TPTE2: variants seen among roughly 807,000 people sequenced by gnomAD.
The protein encoded by TPTE2 is phosphatidylinositol 3,4,5-trisphosphate 3-phosphatase TPTE2.
Under a neutral mutation model 78.6 loss-of-function variants are expected in TPTE2, and 53 were observed. The ratio of observed to expected loss-of-function variants is 0.67; its 90% CI spans 0.54 to 0.85. The LOEUF (loss-of-function observed/expected upper bound fraction) is 0.85, where lower values mean the gene tolerates loss of function less well. Among genes scored for constraint, TPTE2 ranks in the 40% least tolerant of loss-of-function variants. TPTE2 has a pLI of 0.00. For synonymous variants in TPTE2, 175 were observed against 206.2 expected, an observed-to-expected ratio of 0.85 and a Z score of 1.30; for missense variants, 461 against 623.0, an observed-to-expected ratio of 0.74 and a Z score of 2.77.
chr13:19,489,722 GTA>G (rs997186438), intron 3 of TPTE2, among the ~76,000 whole-genome samples: 18 of 144,624 alleles, frequency 1.2e-4, no homozygotes, highest in Admixed American at 2.1e-4. Flanking sequence ...AGATATATCT[GTA>G]TATATATATA....
intron 1 of TPTE2, among the ~76,000 whole-genome samples, chr13:19,496,889 G>C (rs970261645): frequency 6.6e-6 from 1 of 151,998 alleles, no homozygotes; most frequent in African/African-American, 2.4e-5. Context: ...CTGAGGTACT[G>C]GGTTCATCTC....
chr13:19,502,829 A>T (rs1868707162), intron 1 of TPTE2, among the ~76,000 whole-genome samples: 2 of 151,398 alleles, frequency 1.3e-5, no homozygotes, highest in Admixed American at 1.3e-4. Context: ...ATAAAAATAA[A>T]TCTCTCTTGT....
upstream of TPTE2, among the ~76,000 whole-genome samples, chr13:19,537,603 G>GT (rs1871285512): frequency 6.8e-6 from 1 of 147,754 alleles, no homozygotes. Flanking sequence ...GTGTTTTTTT[G>GT]TTTTTTGTTT....
At chr13:19,541,498 A>G (rs1871435371), upstream of TPTE2, among the ~76,000 whole-genome samples, 1 of 152,206 alleles carries the variant, frequency 6.6e-6, no homozygotes, top group African/African-American at 2.4e-5. Context: ...AAATCATGAT[A>G]GTGATTATCC....
At chr13:19,459,732 G>T (rs1378288046) in intron 10 of TPTE2, among the ~76,000 whole-genome samples, 14 of 152,316 alleles carry the variant, frequency 9.2e-5, no homozygotes, top group African/African-American at 3.1e-4. Context: ...GAGGAGGAAT[G>T]GATTGGGGTC....
intron 18 of TPTE2, chr13:19,425,926 T>TTTCTG (rs1555246389): frequency 4.0e-6 from 2 of 505,658 alleles, no homozygotes; most frequent in Non-Finnish European, 3.9e-6. Flanking sequence ...AACCTAACTC[T>TTTCTG]TTCTAGTCAG....
At chr13:19,498,020 C>A (rs1284168501) in intron 1 of TPTE2, among the ~76,000 whole-genome samples, 1 of 150,740 alleles carries the variant, frequency 6.6e-6, no homozygotes, top group Non-Finnish European at 1.5e-5. Context: ...CCTCAGGAGC[C>A]GATGCGATCA....
chr13:19,431,015 T>C (rs1876550626), intron 16 of TPTE2, among the ~76,000 whole-genome samples: 1 of 151,128 alleles, frequency 6.6e-6, no homozygotes, highest in South Asian at 2.1e-4. Context: ...TAATCCTAGC[T>C]ACTTGGGAGG....
chr13:19,526,877 T>C (rs890423847), intron 1 of TPTE2, among the ~76,000 whole-genome samples: 1 of 152,120 alleles, frequency 6.6e-6, no homozygotes, highest in Non-Finnish European at 1.5e-5. Flanking sequence ...AGGTAATCTC[T>C]TCTCAATAAG....
At chr13:19,476,397 C>T (rs1354715835) in intron 4 of TPTE2, among the ~76,000 whole-genome samples, 1 of 150,606 alleles carries the variant, frequency 6.6e-6, no homozygotes, top group South Asian at 2.1e-4. Context: ...TAGGAGAAGT[C>T]TTCAGGAAGT....
intron 9 of TPTE2, among the ~76,000 whole-genome samples, 171 bp from the exon 13 acceptor site, chr13:19,464,691 C>A (rs1879151461): frequency 6.6e-6 from 1 of 152,154 alleles, no homozygotes; most frequent in African/African-American, 2.4e-5. Context: ...ATTAAATTAT[C>A]CAACACAATG....
intron 4 of TPTE2, among the ~76,000 whole-genome samples, chr13:19,478,566 T>G (rs1346228975): frequency 6.6e-6 from 1 of 152,250 alleles, no homozygotes; most frequent in Non-Finnish European, 1.5e-5. Flanking sequence ...TTGGTGGGAC[T>G]GTAAACTAGT....
intron 5 of TPTE2, among the ~76,000 whole-genome samples, chr13:19,474,994 A>C (rs1879844212): frequency 6.6e-6 from 1 of 152,334 alleles, no homozygotes; most frequent in Admixed American, 6.5e-5. Flanking sequence ...AAGAAAAACA[A>C]TATTAATATG....
chr13:19,537,882 G>A (rs1386437007), upstream of TPTE2, among the ~76,000 whole-genome samples: 1 of 152,160 alleles, frequency 6.6e-6, no homozygotes, highest in African/African-American at 2.4e-5. Context: ...TGGGATTACA[G>A]GTGTGAGCCA....
At chr13:19,502,846 C>CA (rs562366842) in intron 1 of TPTE2, among the ~76,000 whole-genome samples, 3,373 of 131,630 alleles carry the variant, frequency 0.026, 118 homozygotes, top group African/African-American at 0.082. Flanking sequence ...TTGTTGAAGC[C>CA]AAAAAAAAAA....
At chr13:19,463,610 T>C (rs1879075563) in intron 10 of TPTE2, among the ~76,000 whole-genome samples, 1 of 152,236 alleles carries the variant, frequency 6.6e-6, no homozygotes, top group Non-Finnish European at 1.5e-5. Flanking sequence ...AACTGTTGCC[T>C]CTTCCAATGT....
intron 19 of TPTE2, 123 bp from the exon 23 acceptor site, chr13:19,423,287 C>A: frequency 1.6e-6 from 1 of 632,708 alleles, no homozygotes; most frequent in Non-Finnish European, 2.5e-6. Flanking sequence ...AACCCCAGAC[C>A]CTTTTTTGCA....
chr13:19,499,756 A>G (rs1458095714), intron 1 of TPTE2, among the ~76,000 whole-genome samples: 2 of 144,026 alleles, frequency 1.4e-5, no homozygotes, highest in Non-Finnish European at 3.0e-5. Flanking sequence ...AAGCAAGAGC[A>G]AACACATTCA....
chr13:19,470,677 C>G (rs1477473345), intron 6 of TPTE2, among the ~76,000 whole-genome samples: 1 of 151,324 alleles, frequency 6.6e-6, no homozygotes, highest in Non-Finnish European at 1.5e-5. Context: ...AGGCACCCAG[C>G]ACCACACCCA....
Sources: gnomAD v4.1 joint callset for allele counts (sites outside exome capture counted in the v4.1 genomes callset) on GRCh38, gnomAD v4.1.1 for gene constraint, MANE v1.5 for transcripts, NCBI Gene and HGNC (gene_info 2026-07-23, HGNC 2026-07-21) for gene names.